The following TBC1D22A variants were observed in gnomAD, a reference collection of about 807,000 sequenced individuals.
TBC1D22A encodes the protein TBC1 domain family member 22A.
A neutral mutation model predicts 60.2 loss-of-function variants in TBC1D22A; 38 were observed. That is an observed-to-expected ratio of 0.63 (90% CI 0.49 to 0.83). The LOEUF (loss-of-function observed/expected upper bound fraction) is 0.83, where lower values mean the gene tolerates loss of function less well. TBC1D22A is among the 40% of genes least tolerant of loss of function. TBC1D22A has a pLI of 0.00. For synonymous variants in TBC1D22A, 302 were observed against 281.7 expected (o/e 1.07, Z -0.72); for missense variants, 628 against 701.0 (o/e 0.90, Z 1.18).
At chr22:46,904,149 A>ATCTATCTG (rs1166059872) in intron 7 of TBC1D22A, among the ~76,000 whole-genome samples, 4 of 78,904 alleles carry the variant, frequency 5.1e-5, no homozygotes, top group South Asian at 4.4e-4. Flanking sequence ...CTATCTACCT[A>ATCTATCTG]CCTACCTACC....
At chr22:47,030,615 C>T (rs940590199) in intron 10 of TBC1D22A, among the ~76,000 whole-genome samples, 1 of 152,182 alleles carries the variant, frequency 6.6e-6, no homozygotes, top group African/African-American at 2.4e-5. Context: ...TATGAAAAAA[C>T]CTTTTCAGCC....
intron 12 of TBC1D22A, among the ~76,000 whole-genome samples, chr22:47,161,373 C>T (rs2067980286): frequency 6.6e-6 from 1 of 152,178 alleles, no homozygotes; most frequent in African/African-American, 2.4e-5. Context: ...CTGGCTGCCA[C>T]CTCTGCTTCT....
chr22:46,856,540 A>T (rs1284703867), intron 4 of TBC1D22A, among the ~76,000 whole-genome samples: 3 of 152,260 alleles, frequency 2.0e-5, no homozygotes, highest in African/African-American at 7.2e-5. Context: ...ATGCCATGCA[A>T]CATTGGCTGC....
At chr22:46,778,920 T>A (rs1254093808) in intron 1 of TBC1D22A, among the ~76,000 whole-genome samples, 1 of 152,072 alleles carries the variant, frequency 6.6e-6, no homozygotes, top group Non-Finnish European at 1.5e-5. Flanking sequence ...GGTGGGCACC[T>A]GTAATCCCAG....
intron 4 of TBC1D22A, among the ~76,000 whole-genome samples, chr22:46,867,581 A>G (rs1348309058): frequency 6.6e-6 from 1 of 152,266 alleles, no homozygotes; most frequent in Non-Finnish European, 1.5e-5. Flanking sequence ...ACATCGATAA[A>G]TGCATTACCA....
At chr22:47,023,881 C>G (rs534375678) in intron 10 of TBC1D22A, among the ~76,000 whole-genome samples, 3 of 152,306 alleles carry the variant, frequency 2.0e-5, no homozygotes, top group Admixed American at 2.0e-4. Context: ...CCTAGATGAC[C>G]GTGTGGACCT....
intron 4 of TBC1D22A, among the ~76,000 whole-genome samples, chr22:46,821,638 C>T (rs1184204794): frequency 1.3e-5 from 2 of 152,112 alleles, no homozygotes; most frequent in Non-Finnish European, 2.9e-5. Flanking sequence ...TTGTGGGTGA[C>T]CTGGCCTTTC....
chr22:47,051,121 G>C (rs1234774397), intron 11 of TBC1D22A, among the ~76,000 whole-genome samples: 1 of 141,602 alleles, frequency 7.1e-6, no homozygotes, highest in Non-Finnish European at 1.5e-5. Context: ...ATTGCAGGGG[G>C]ACCTCTCCTC....
intron 9 of TBC1D22A, among the ~76,000 whole-genome samples, chr22:46,981,825 T>C (rs1190865790): frequency 1.3e-5 from 2 of 152,182 alleles, no homozygotes; most frequent in African/African-American, 4.8e-5. Context: ...CAGATAAGAA[T>C]TAGGAAGATC....
At chr22:46,941,140 C>G (rs1315067956) in intron 8 of TBC1D22A, among the ~76,000 whole-genome samples, 1 of 105,074 alleles carries the variant, frequency 9.5e-6, no homozygotes, top group Non-Finnish European at 2.1e-5. Flanking sequence ...CACACACACA[C>G]ACACACAGTC....
rs2072855796 is a variant in TBC1D22A at position 46,950,800 on chromosome 22, A to ATG, written c.1016-23489_1016-23488dup. 2.0e-5 allele frequency among the ~76,000 whole-genome samples: 3 copies of ATG among 152,176 alleles called. No individual in the cohort carries two copies. The South Asian group carries it at 6.2e-4, about 32-fold the overall frequency. ...TTGCGTCTCCGGGATGGATGTGTGCATGGATAACCGGGGACAATACAAAAC... is the reference window on the plus strand; with the variant it reads ...TTGCGTCTCCGGGATGGATGTGTGCATGTGGATAACCGGGGACAATACAAAAC... On this transcript the variant is annotated intron_variant, in intron 8 of 12. Coordinates refer to ENST00000337137, the MANE Select transcript of TBC1D22A (RefSeq NM_014346.5).
chr22:46,819,548 T>C (rs1210562486), intron 4 of TBC1D22A, among the ~76,000 whole-genome samples: 1 of 152,258 alleles, frequency 6.6e-6, no homozygotes, highest in Non-Finnish European at 1.5e-5. Flanking sequence ...TTTATTGATT[T>C]GCATATGTTG....
chr22:46,886,177 GT>G (rs960922713), intron 5 of TBC1D22A, among the ~76,000 whole-genome samples: 41 of 152,268 alleles, frequency 2.7e-4, no homozygotes, highest in African/African-American at 9.9e-4. Context: ...GGGATTACAG[GT>G]GTGAGCCGCC....
chr22:47,066,731 G>A (rs1042597818), intron 11 of TBC1D22A, among the ~76,000 whole-genome samples: 9 of 152,196 alleles, frequency 5.9e-5, no homozygotes, highest in African/African-American at 2.2e-4. Flanking sequence ...CATCTACCTT[G>A]GGCATCGGGG....
At chr22:47,081,440 G>T (rs1330257400) in intron 11 of TBC1D22A, among the ~76,000 whole-genome samples, 1 of 152,190 alleles carries the variant, frequency 6.6e-6, no homozygotes, top group Non-Finnish European at 1.5e-5. Context: ...AACCAGGCAA[G>T]AATTCTGCTC....
intron 12 of TBC1D22A, chr22:47,116,062 G>A (rs875419): frequency 0.36 from 54,903 of 152,220 alleles, 11,722 homozygotes; most frequent in African/African-American, 0.58. Flanking sequence ...CCTGCAGGCC[G>A]CCCTCTCCCC....
chr22:47,063,083 G>T (rs1216143242), intron 11 of TBC1D22A, among the ~76,000 whole-genome samples: 1 of 152,166 alleles, frequency 6.6e-6, no homozygotes, highest in Non-Finnish European at 1.5e-5. Context: ...GCAGTTCTGG[G>T]TGCAGGAGCA....
rs913120562 is a variant in TBC1D22A at position 46,909,289 on chromosome 22, T to TACACATAC, written c.901-2779_901-2772dup. On this transcript the variant is annotated intron_variant, in intron 7 of 12. Coordinates refer to ENST00000337137, the MANE Select transcript of TBC1D22A (RefSeq NM_014346.5). Reference sequence around the variant, plus strand: ...TGCTCCACTGCCTAAATTCTTCCTATACACATACACACACACACACACACT... The same window carrying TACACATAC: ...TGCTCCACTGCCTAAATTCTTCCTATACACATACACACATACACACACACACACACACT... 2.8e-4 allele frequency among the ~76,000 whole-genome samples: 38 copies of TACACATAC among 133,340 alleles called. No individual in the cohort carries two copies. In the East Asian group the frequency reaches 6.2e-3, roughly 22 times the overall value. 87.5% of individuals were successfully genotyped at this position (133,340 alleles called of 152,430 possible). A position where few individuals can be genotyped will look rare whatever the true frequency, so the allele number is the denominator to read the frequency against.
chr22:46,990,332 A>G lies in TBC1D22A; in HGVS notation c.1126-7302A>G, dbSNP rs536950106. ...TTGGATGAATTGATTATTTTTTTCA[A>G]TTAATGGAGTTTGGTTTTTTTAGAG... On this transcript the variant is annotated intron_variant, in intron 9 of 12. Transcript: ENST00000337137. This position sits in a 1 kb window ranked among gnomAD's most constrained non-coding sequence, Gnocchi z 4.6. 1.4e-3 allele frequency among the ~76,000 whole-genome samples: 212 copies of G among 151,726 alleles called. 2 individuals carry two copies. Among genetic ancestry groups the G allele is most frequent in the African/African-American group, 4.9e-3 (202 of 41,344 alleles).
Sources: allele counts gnomAD v4.1 joint callset (sites outside exome capture counted in the v4.1 genomes callset), GRCh38; gene constraint gnomAD v4.1.1; non-coding constraint Gnocchi (gnomAD v3.1); transcripts MANE v1.5; gene names NCBI Gene and HGNC (gene_info 2026-07-23, HGNC 2026-07-21).